Variants in NKAIN2 observed in about 807,000 individuals in gnomAD.
NKAIN2 encodes sodium/potassium-transporting ATPase subunit beta-1-interacting protein 2.
In NKAIN2, 14 loss-of-function variants were observed where a neutral mutation model predicts 32.6. The ratio of observed to expected loss-of-function variants is 0.43; its 90% confidence interval spans 0.28 to 0.67. The LOEUF is 0.67. Ranked by LOEUF, NKAIN2 falls within the 30% of genes least tolerant of loss-of-function variation. The probability of loss-of-function intolerance (pLI) is 0.17; values close to 1 mark genes in which losing one functional copy is unlikely to be tolerated. For missense variants in NKAIN2, 198 were observed against 258.3 expected (o/e 0.77, Z 1.60); for synonymous variants, 80 against 87.2 (o/e 0.92, Z 0.46).
chr6:124,046,704 T>C (rs1782150904), intron 1 of NKAIN2, among the ~76,000 whole-genome samples: 1 of 151,966 alleles, frequency 6.6e-6, no homozygotes, highest in Admixed American at 6.6e-5. Context: ...AATGCAGACA[T>C]TGAGTTCTAG....
chr6:124,291,999 T>C (rs1795835471), intron 2 of NKAIN2, among the ~76,000 whole-genome samples: 1 of 152,182 alleles, frequency 6.6e-6, no homozygotes, highest in African/African-American at 2.4e-5. Flanking sequence ...TTTGCATGCA[T>C]CATTTTGATG....
intron 1 of NKAIN2, among the ~76,000 whole-genome samples, chr6:124,064,387 A>G (rs1033443413): frequency 2.0e-5 from 3 of 152,160 alleles, no homozygotes; most frequent in African/African-American, 7.2e-5. Flanking sequence ...GTGATTAGAT[A>G]GTCACAATTT....
intron 1 of NKAIN2, among the ~76,000 whole-genome samples, chr6:124,221,359 G>T (rs1791807505): frequency 7.2e-6 from 1 of 138,560 alleles, no homozygotes. Flanking sequence ...TGAACAATGA[G>T]AACACATGGA....
chr6:124,262,088 A>G (rs961605791), intron 1 of NKAIN2, among the ~76,000 whole-genome samples: 4 of 152,270 alleles, frequency 2.6e-5, no homozygotes, highest in Middle Eastern at 3.4e-3. Context: ...TGACCACCAC[A>G]GGGCCTGACA....
chr6:124,659,809 A>G (rs1383423185), intron 4 of NKAIN2, among the ~76,000 whole-genome samples: 1 of 152,108 alleles, frequency 6.6e-6, no homozygotes, highest in Non-Finnish European at 1.5e-5. Context: ...GTCCCACCCA[A>G]TCACAGAATG....
intron 5 of NKAIN2, among the ~76,000 whole-genome samples, chr6:124,800,625 T>C (rs1562390604): frequency 1.3e-5 from 2 of 152,230 alleles, no homozygotes; most frequent in Non-Finnish European, 2.9e-5. Flanking sequence ...CCTTTGGTGC[T>C]AAAATCTTAC....
At chr6:124,809,233 T>C (rs1780755359) in intron 5 of NKAIN2, among the ~76,000 whole-genome samples, 2 of 151,142 alleles carry the variant, frequency 1.3e-5, no homozygotes, top group African/African-American at 4.9e-5. Context: ...CTTCAAACTA[T>C]ACTACAAGGC....
chr6:124,445,095 G>A (rs1049253145), intron 3 of NKAIN2, among the ~76,000 whole-genome samples: 2 of 151,998 alleles, frequency 1.3e-5, no homozygotes, highest in African/African-American at 4.8e-5. Flanking sequence ...ACCTCTGCAA[G>A]GATGTCTTTA....
chr6:124,357,522 A>G (rs1799043002), intron 3 of NKAIN2, among the ~76,000 whole-genome samples: 1 of 152,084 alleles, frequency 6.6e-6, no homozygotes, highest in Non-Finnish European at 1.5e-5. Context: ...TTCTCAATCC[A>G]TCAGAAAAAA....
chr6:124,162,984 T>C (rs1356396552), intron 1 of NKAIN2, among the ~76,000 whole-genome samples: 1 of 152,102 alleles, frequency 6.6e-6, no homozygotes, highest in African/African-American at 2.4e-5. Flanking sequence ...ATTTAGTTTA[T>C]AATGTTCTTA....
At chr6:124,494,765 C>T (rs890138524) in intron 3 of NKAIN2, among the ~76,000 whole-genome samples, 2 of 152,092 alleles carry the variant, frequency 1.3e-5, no homozygotes, top group Non-Finnish European at 2.9e-5. Context: ...TTGTTTAAGT[C>T]GATGCCTATT....
chr6:124,292,644 T>C (rs1167156236), intron 2 of NKAIN2, among the ~76,000 whole-genome samples: 2 of 130,240 alleles, frequency 1.5e-5, no homozygotes, highest in African/African-American at 8.5e-5. Context: ...TGCTCTGGTT[T>C]AAAGGCCTTT....
At chr6:124,797,488 A>G (rs1780054312) in intron 5 of NKAIN2, among the ~76,000 whole-genome samples, 2 of 152,210 alleles carry the variant, frequency 1.3e-5, no homozygotes, top group African/African-American at 4.8e-5. Flanking sequence ...AGTTAGACAC[A>G]TGCACATTTA....
chr6:123,873,961 G>T (rs1042247895), intron 1 of NKAIN2, among the ~76,000 whole-genome samples: 1 of 152,070 alleles, frequency 6.6e-6, no homozygotes, highest in Non-Finnish European at 1.5e-5. Flanking sequence ...TTAAAACAAT[G>T]TTTTGACATA....
chr6:124,343,775 G>T (rs1017732399), intron 2 of NKAIN2, among the ~76,000 whole-genome samples: 5 of 149,450 alleles, frequency 3.3e-5, no homozygotes, highest in African/African-American at 9.7e-5. Context: ...CTCCCATTTT[G>T]TAGGTTGCCT....
At chr6:124,765,644 A>T (rs561366130) in intron 4 of NKAIN2, among the ~76,000 whole-genome samples, 6 of 152,356 alleles carry the variant, frequency 3.9e-5, no homozygotes, top group Non-Finnish European at 8.8e-5. Flanking sequence ...AAGAATAAGA[A>T]CATGCACAAG....
chr6:124,666,349 A>G (rs1398846606), intron 4 of NKAIN2, among the ~76,000 whole-genome samples: 2 of 152,194 alleles, frequency 1.3e-5, no homozygotes, highest in Non-Finnish European at 1.5e-5. Flanking sequence ...TTCTGGGCAC[A>G]GCTCAGAGTT....
At position 124,062,078 on chromosome 6, in the gene NKAIN2, T is replaced by C. The variant is rs546340059; in HGVS notation, c.55-220927T>C. The stretch of plus-strand genomic sequence containing the variant: ...ACTTTTAAAACCGTTTCTTTCAATC[T>C]GTTGCTCAAGTAGGCTTGTTCATTA... On this transcript the variant is annotated intron_variant, in intron 1 of 6. Transcript: ENST00000368417. Among the ~76,000 whole-genome samples, 92 of 152,330 alleles carry C rather than the reference T, an allele frequency of 6.0e-4. No individual in the cohort carries two copies. The South Asian group carries it at 0.015, about 25-fold the overall frequency.
rs531418383 is a variant in NKAIN2, at chr6:123,870,015, G to A, written c.54+65761G>A. ...TGCAGCATTATATAACGAATAACTA[G>A]AGTTGGGAATGTAACATGGTGGTGA... is the stretch of plus-strand genomic sequence containing the variant. On this transcript the variant is annotated intron_variant, in intron 1 of 6. Transcript: ENST00000368417. Among the ~76,000 whole-genome samples, 118 of 152,230 alleles carry A rather than the reference G, an allele frequency of 7.8e-4. 1 individual carries two copies. Among genetic ancestry groups the A allele is most frequent in the Admixed American group, 1.0e-3 (16 of 15,286 alleles).
Sources: allele counts gnomAD v4.1 joint callset (sites outside exome capture counted in the v4.1 genomes callset), GRCh38; gene constraint gnomAD v4.1.1; transcripts MANE v1.5; gene names NCBI Gene and HGNC (gene_info 2026-07-23, HGNC 2026-07-21).